The following GLIS3 variants were observed in gnomAD, a reference collection of about 807,000 sequenced individuals.
GLIS3 encodes GLIS family zinc finger 3.
Under a neutral mutation model 78.6 loss-of-function variants are expected in GLIS3, and 53 were observed. That is an observed-to-expected ratio of 0.67 (90% CI 0.54 to 0.85). The LOEUF (loss-of-function observed/expected upper bound fraction) is 0.85. GLIS3 is among the 40% of genes least tolerant of loss of function. GLIS3 has a pLI of 0.00. For synonymous variants in GLIS3, 684 were observed against 509.9 expected (o/e 1.34, Z -4.60); for missense variants, 1,703 against 1,231.1 (o/e 1.38, Z -5.74).
intron 2 of GLIS3, among the ~76,000 whole-genome samples, chr9:4,226,206 A>G (rs1365766440): frequency 2.0e-5 from 3 of 152,168 alleles, no homozygotes; most frequent in Admixed American, 6.5e-5. Context: ...CTGCTTTCCA[A>G]TATCTTGACA....
At chr9:4,232,945 G>GT (rs1822404437) in intron 2 of GLIS3, among the ~76,000 whole-genome samples, 1 of 152,104 alleles carries the variant, frequency 6.6e-6, no homozygotes, top group South Asian at 2.1e-4. Flanking sequence ...TAGACAAAAT[G>GT]TTTTTGTATT....
At chr9:3,966,536 C>T (rs1324224560) in intron 4 of GLIS3, among the ~76,000 whole-genome samples, 2 of 151,916 alleles carry the variant, frequency 1.3e-5, no homozygotes, top group Admixed American at 1.3e-4. Context: ...TGACTCACAC[C>T]TGTAATCCCA....
chr9:3,916,256 T>G (rs1259820602), intron 6 of GLIS3, among the ~76,000 whole-genome samples: 1 of 152,184 alleles, frequency 6.6e-6, no homozygotes, highest in African/African-American at 2.4e-5. Context: ...CGACTTAATT[T>G]TTCCCTAGCA....
intron 2 of GLIS3, among the ~76,000 whole-genome samples, chr9:4,208,640 G>C (rs1398210237): frequency 1.3e-5 from 2 of 152,310 alleles, no homozygotes; most frequent in East Asian, 3.9e-4. Context: ...GAAATTGTCT[G>C]TTAGGGAATA....
chr9:3,959,732 T>C (rs1563893043), intron 4 of GLIS3, among the ~76,000 whole-genome samples: 1 of 152,182 alleles, frequency 6.6e-6, no homozygotes, highest in Admixed American at 6.5e-5. Context: ...CTCAACTTTA[T>C]TATCGCTCCC....
chr9:3,963,399 C>T (rs976966587), intron 4 of GLIS3, among the ~76,000 whole-genome samples: 2 of 152,144 alleles, frequency 1.3e-5, no homozygotes, highest in East Asian at 3.9e-4. Flanking sequence ...GTATCACTGG[C>T]CCTGCTGGAG....
chr9:3,857,532 A>G (rs1185233448), intron 8 of GLIS3, among the ~76,000 whole-genome samples: 1 of 152,326 alleles, frequency 6.6e-6, no homozygotes, highest in East Asian at 1.9e-4. Flanking sequence ...AGGTGTGATG[A>G]GACTATAGAA....
chr9:4,248,572 T>A (rs1189657776), intron 2 of GLIS3, among the ~76,000 whole-genome samples: 1 of 152,216 alleles, frequency 6.6e-6, no homozygotes, highest in Non-Finnish European at 1.5e-5. Context: ...GTCTTTGTAG[T>A]AGAATGATTT....
the GLIS3 span, among the ~76,000 whole-genome samples, chr9:4,475,208 G>T: frequency 3.2e-4 from 49 of 152,072 alleles, no homozygotes; most frequent in African/African-American, 9.9e-4. Context: ...TAATGAGAAA[G>T]GGTATTTGAA....
the GLIS3 span, among the ~76,000 whole-genome samples, chr9:4,403,436 G>A: frequency 4.0e-4 from 61 of 152,248 alleles, no homozygotes; most frequent in African/African-American, 1.3e-3. Context: ...TAATGGTGGT[G>A]TGTAAACTAC....
intron 4 of GLIS3, among the ~76,000 whole-genome samples, chr9:3,969,958 C>T (rs1029440812): frequency 6.6e-6 from 1 of 152,168 alleles, no homozygotes; most frequent in Non-Finnish European, 1.5e-5. Context: ...ACTTGGTGGA[C>T]AAATGCTACC....
chr9:4,076,226 C>T (rs1467396824), intron 4 of GLIS3, among the ~76,000 whole-genome samples: 2 of 152,084 alleles, frequency 1.3e-5, no homozygotes, highest in Non-Finnish European at 2.9e-5. Context: ...CCCATAAGAA[C>T]TATAATCTCC....
the GLIS3 span, among the ~76,000 whole-genome samples, chr9:4,385,666 A>C: frequency 6.2e-4 from 2 of 3,252 alleles, 1 homozygote; most frequent in South Asian, 0.013. Context: ...ACTCCATCTC[A>C]AAAAAAAAAA....
chr9:4,257,252 G>C (rs1409569150), intron 2 of GLIS3, among the ~76,000 whole-genome samples: 1 of 152,080 alleles, frequency 6.6e-6, no homozygotes, highest in Non-Finnish European at 1.5e-5. Context: ...AAGAAAAATA[G>C]TGCATGATCT....
intron 4 of GLIS3, among the ~76,000 whole-genome samples, chr9:4,003,905 T>C (rs1225254841): frequency 6.6e-6 from 1 of 152,238 alleles, no homozygotes; most frequent in Non-Finnish European, 1.5e-5. Flanking sequence ...GGTAAATCTT[T>C]CGTGGTTAAG....
chr9:4,033,692 G>C (rs955842051), intron 4 of GLIS3, among the ~76,000 whole-genome samples: 1 of 152,128 alleles, frequency 6.6e-6, no homozygotes, highest in African/African-American at 2.4e-5. Context: ...TCAAGTTCAA[G>C]GGCAGGTACT....
At chr9:4,060,992 T>C (rs1408528333) in intron 4 of GLIS3, among the ~76,000 whole-genome samples, 1 of 152,180 alleles carries the variant, frequency 6.6e-6, no homozygotes, top group Non-Finnish European at 1.5e-5. Context: ...ATCTCTTGCA[T>C]GCTTCCAATA....
the GLIS3 span, among the ~76,000 whole-genome samples, chr9:4,488,864 C>T: frequency 6.6e-6 from 1 of 151,762 alleles, no homozygotes; most frequent in Non-Finnish European, 1.5e-5. Context: ...TTCCTTCCTT[C>T]TTTCTTTCTT....
chr9:4,212,896 G>A (rs1435223506), intron 2 of GLIS3, among the ~76,000 whole-genome samples: 1 of 152,174 alleles, frequency 6.6e-6, no homozygotes, highest in Non-Finnish European at 1.5e-5. Flanking sequence ...GGGAGGCAGT[G>A]CAGTGTTCTC....
Sources: allele counts gnomAD v4.1 joint callset (sites outside exome capture counted in the v4.1 genomes callset), GRCh38; gene constraint gnomAD v4.1.1; transcripts MANE v1.5; gene names NCBI Gene and HGNC (gene_info 2026-07-23, HGNC 2026-07-21).